The following TMEM132D variants were observed in gnomAD, a reference collection of about 807,000 sequenced individuals.
The protein encoded by TMEM132D is transmembrane protein 132D.
Under a neutral mutation model 62.3 loss-of-function variants are expected in TMEM132D, and 21 were observed. The ratio of observed to expected loss-of-function variants is 0.34; its 90% CI spans 0.24 to 0.49. The LOEUF (loss-of-function observed/expected upper bound fraction) is 0.49, where lower values mean the gene tolerates loss of function less well. TMEM132D is among the 20% of genes least tolerant of loss of function. TMEM132D has a pLI of 0.99. For missense variants in TMEM132D, 1,346 were observed against 1,402.8 expected (o/e 0.96, Z 0.65); for synonymous variants, 621 against 575.6 (o/e 1.08, Z -1.13).
chr12:129,499,967 C>A (rs1593039323), intron 3 of TMEM132D, among the ~76,000 whole-genome samples: 1 of 150,312 alleles, frequency 6.7e-6, no homozygotes, highest in South Asian at 2.1e-4. Flanking sequence ...ATTCACCTGA[C>A]CTCATCTGTC....
At chr12:129,733,274 A>G (rs1165624897) in intron 1 of TMEM132D, among the ~76,000 whole-genome samples, 1 of 152,116 alleles carries the variant, frequency 6.6e-6, no homozygotes, top group African/African-American at 2.4e-5. Context: ...GGTCTTGTGA[A>G]AAGATTTGCC....
intron 3 of TMEM132D, among the ~76,000 whole-genome samples, chr12:129,524,113 G>C (rs1047815852): frequency 3.3e-5 from 5 of 151,998 alleles, no homozygotes; most frequent in African/African-American, 1.2e-4. Context: ...GATAGCATTA[G>C]GAGATATACC....
chr12:129,213,162 A>G (rs1441148004), intron 4 of TMEM132D, among the ~76,000 whole-genome samples: 2 of 152,148 alleles, frequency 1.3e-5, no homozygotes, highest in African/African-American at 2.4e-5. Context: ...TATATTGTAT[A>G]TTCTGTGTGT....
intron 4 of TMEM132D, among the ~76,000 whole-genome samples, chr12:129,299,973 A>G (rs1881670413): frequency 1.3e-5 from 2 of 152,192 alleles, no homozygotes; most frequent in South Asian, 4.1e-4. Context: ...AGCCATAAAT[A>G]TATCTTTGGT....
intron 1 of TMEM132D, among the ~76,000 whole-genome samples, chr12:129,731,050 C>T (rs1296847442): frequency 6.6e-6 from 1 of 152,034 alleles, no homozygotes; most frequent in African/African-American, 2.4e-5. Flanking sequence ...TGGTTCTGTC[C>T]CTCTAGAGAA....
chr12:129,429,821 G>A (rs1472697636), intron 3 of TMEM132D, among the ~76,000 whole-genome samples: 1 of 148,488 alleles, frequency 6.7e-6, no homozygotes, highest in Non-Finnish European at 1.5e-5. Context: ...ACCTGAGTGA[G>A]AACACGCGGT....
At position 129,074,773 on chromosome 12, in the gene TMEM132D, T is replaced by C. The variant is rs201724905; in HGVS notation, c.2402A>G (p.Asp801Gly). The change falls in exon 9 of 9, where the codon GAT becomes GGT. Residue 801 changes from aspartate to glycine, a missense_variant. Transcript: ENST00000422113. ...ANIKVKFGQNDANPNTSDSRH... is the reference protein window; with the variant it reads ...ANIKVKFGQNGANPNTSDSRH... Reference sequence around the variant, plus strand: ...GCTGTCACTGGTGTTGGGGTTAGCATCGTTTTGGCCAAATTTAACTTTGAT... The same window carrying C: ...GCTGTCACTGGTGTTGGGGTTAGCACCGTTTTGGCCAAATTTAACTTTGAT... The C allele has an allele frequency of 1.9e-4, 305 of 1,614,000 alleles. 1 individual carries two copies. Among genetic ancestry groups the C allele is most frequent in the Non-Finnish European group, 3.3e-5 (39 of 1,180,032 alleles).
intron 2 of TMEM132D, among the ~76,000 whole-genome samples, chr12:129,582,933 T>TTTG (rs1565912054): frequency 2.0e-5 from 3 of 150,808 alleles, no homozygotes; most frequent in African/African-American, 7.3e-5. Flanking sequence ...CCGAGTTTGT[T>TTTG]TTTTGTTTTG....
intron 3 of TMEM132D, among the ~76,000 whole-genome samples, chr12:129,453,276 C>A (rs757393576): frequency 6.6e-6 from 1 of 152,160 alleles, no homozygotes; most frequent in Non-Finnish European, 1.5e-5. Context: ...AGAAGGCGTG[C>A]CTACTAAACG....
At chr12:129,873,332 G>A (rs915794560) in intron 1 of TMEM132D, among the ~76,000 whole-genome samples, 1 of 152,146 alleles carries the variant, frequency 6.6e-6, no homozygotes, top group Non-Finnish European at 1.5e-5. Flanking sequence ...GTGTGCCAAG[G>A]GGAGAAAGCT....
At chr12:129,545,009 G>C (rs1197139946) in intron 2 of TMEM132D, among the ~76,000 whole-genome samples, 1 of 152,200 alleles carries the variant, frequency 6.6e-6, no homozygotes, top group Middle Eastern at 3.2e-3. Flanking sequence ...TCCATTTTGG[G>C]CAACAGCCTT....
chr12:129,613,758 GACTGTCTCCAGAACCAAGGT>G (rs1878840313), intron 2 of TMEM132D, among the ~76,000 whole-genome samples: 1 of 142,682 alleles, frequency 7.0e-6, no homozygotes, highest in African/African-American at 2.5e-5. Flanking sequence ...GAACCAAGGT[GACTGTCTCCAGAACCAAGGT>G]GACTGTCTCC....
At chr12:129,122,045 T>C (rs542683504) in intron 5 of TMEM132D, among the ~76,000 whole-genome samples, 1 of 152,308 alleles carries the variant, frequency 6.6e-6, no homozygotes, top group African/African-American at 2.4e-5. Flanking sequence ...AGCCCTAGAA[T>C]GCAGTCACTC....
intron 3 of TMEM132D, among the ~76,000 whole-genome samples, chr12:129,423,328 G>A (rs1249943034): frequency 1.2e-4 from 19 of 152,124 alleles, no homozygotes; most frequent in Admixed American, 1.2e-3. Context: ...AATCAGCCAA[G>A]GTGGAATAAC....
rs574779146 is a variant in TMEM132D, at chr12:129,874,025, C to T, written c.79+29236G>A. On this transcript the variant is annotated intron_variant, in intron 1 of 8. Transcript: ENST00000422113. Reference sequence around the variant, plus strand: ...CACTAAACCTCAGGCCCTGCTCAGACGGGGATTACAACAGAAGGCTACAAA... The same window carrying T: ...CACTAAACCTCAGGCCCTGCTCAGATGGGGATTACAACAGAAGGCTACAAA... 6.8e-4 allele frequency among the ~76,000 whole-genome samples: 103 copies of T among 152,292 alleles called. 1 individual carries two copies. The highest frequency in any genetic ancestry group is 1.7e-3 in the Admixed American group (26 of 15,298).
intron 5 of TMEM132D, among the ~76,000 whole-genome samples, chr12:129,175,735 T>C (rs1209142788): frequency 1.3e-5 from 2 of 152,198 alleles, no homozygotes; most frequent in Non-Finnish European, 2.9e-5. Context: ...GCCATCTTGC[T>C]GTTGTACCTA....
Position 129,722,735 on chromosome 12 carries a change from T to TTTC in TMEM132D, c.80-22038_80-22037insGAA, listed in dbSNP as rs1387973898. On this transcript the variant is annotated intron_variant, in intron 1 of 8. Transcript: ENST00000422113. Reference sequence around the variant, plus strand: ...TTTCATCAATCCTGGCTCCTTTTTCTTTTTTTCTTTTTTTTTTTTTTTGAG... The same window carrying TTTC: ...TTTCATCAATCCTGGCTCCTTTTTCTTTCTTTTTTCTTTTTTTTTTTTTTTGAG... Among the ~76,000 whole-genome samples the TTTC allele has an allele frequency of 1.1e-4, 4 of 35,854 alleles. 1 individual carries two copies. The highest frequency in any genetic ancestry group is 3.3e-4 in the Non-Finnish European group (4 of 11,944). 23.5% of individuals were successfully genotyped at this position (35,854 alleles called of 152,430 possible). A position where few individuals can be genotyped will look rare whatever the true frequency, so the allele number is the denominator to read the frequency against.
At chr12:129,243,342 A>C (rs1195771168) in intron 4 of TMEM132D, among the ~76,000 whole-genome samples, 1 of 152,148 alleles carries the variant, frequency 6.6e-6, no homozygotes, top group Non-Finnish European at 1.5e-5. Flanking sequence ...CAGACCTTGG[A>C]TTTATGAACA....
chr12:129,298,348 A>G (rs894990673), intron 4 of TMEM132D, among the ~76,000 whole-genome samples: 3 of 152,194 alleles, frequency 2.0e-5, no homozygotes, highest in African/African-American at 7.2e-5. Flanking sequence ...ACACATCGCA[A>G]TTGTATATAT....
Sources: allele counts gnomAD v4.1 joint callset (sites outside exome capture counted in the v4.1 genomes callset), GRCh38; gene constraint gnomAD v4.1.1; transcripts MANE v1.5; gene names NCBI Gene and HGNC (gene_info 2026-07-23, HGNC 2026-07-21).